The following POU6F2 variants were observed in gnomAD, a reference collection of about 807,000 sequenced individuals.
POU6F2 encodes the protein POU class 6 homeobox 2.
POU6F2 carries 31 observed loss-of-function variants against 71.3 expected under a neutral mutation model. That is an observed-to-expected ratio of 0.43 (90% CI 0.33 to 0.59). The LOEUF (loss-of-function observed/expected upper bound fraction) is 0.59. Ranked by LOEUF, POU6F2 falls within the 20% of genes least tolerant of loss-of-function variation. The probability of loss-of-function intolerance (pLI) is 0.04; values close to 1 mark genes in which losing one functional copy is unlikely to be tolerated. For missense variants in POU6F2, 783 were observed against 856.8 expected, an observed-to-expected ratio of 0.91 and a Z score of 1.07; for synonymous variants, 347 against 355.7, an observed-to-expected ratio of 0.98 and a Z score of 0.27.
intron 4 of POU6F2, among the ~76,000 whole-genome samples, chr7:39,249,349 G>A (rs1407661933): frequency 1.3e-5 from 2 of 152,098 alleles, no homozygotes; most frequent in Non-Finnish European, 1.5e-5. Flanking sequence ...TCTCTCTCCT[G>A]AGCTCTGCAG....
At chr7:39,082,574 G>T (rs1037087234) in intron 1 of POU6F2, among the ~76,000 whole-genome samples, 1 of 151,996 alleles carries the variant, frequency 6.6e-6, no homozygotes, top group South Asian at 2.1e-4. Flanking sequence ...TCTTCACTAC[G>T]ACAGAAAGGA....
chr7:39,450,871 A>G (rs1042182723), intron 7 of POU6F2, among the ~76,000 whole-genome samples: 1 of 152,138 alleles, frequency 6.6e-6, no homozygotes, highest in African/African-American at 2.4e-5. Flanking sequence ...AAATTAGTCA[A>G]TGTCCTTAAT....
At chr7:39,109,233 G>T (rs1050801578) in intron 2 of POU6F2, among the ~76,000 whole-genome samples, 1 of 152,012 alleles carries the variant, frequency 6.6e-6, no homozygotes, top group Non-Finnish European at 1.5e-5. Flanking sequence ...TAGAGACTTT[G>T]CTATGTTGCC....
At chr7:39,299,545 C>T (rs1163307884) in intron 4 of POU6F2, among the ~76,000 whole-genome samples, 1 of 152,146 alleles carries the variant, frequency 6.6e-6, no homozygotes, top group African/African-American at 2.4e-5. Context: ...CCTCCCTGCC[C>T]AGCAGAAAAC....
chr7:39,031,502 C>T (rs370205954), intron 1 of POU6F2, among the ~76,000 whole-genome samples: 45 of 152,182 alleles, frequency 3.0e-4, no homozygotes, highest in African/African-American at 9.9e-4. Context: ...TATTTCTATC[C>T]ATCAGTATTT....
At chr7:39,269,393 C>A (rs1784304658) in intron 4 of POU6F2, among the ~76,000 whole-genome samples, 1 of 152,206 alleles carries the variant, frequency 6.6e-6, no homozygotes, top group African/African-American at 2.4e-5. Flanking sequence ...GGCCTTGATT[C>A]TCTTGAAATG....
chr7:39,116,382 C>T (rs781297310), intron 2 of POU6F2, among the ~76,000 whole-genome samples: 1 of 151,856 alleles, frequency 6.6e-6, no homozygotes, highest in Non-Finnish European at 1.5e-5. Context: ...GAGACTGTGT[C>T]TCAAAGAAAA....
chr7:39,392,017 A>G (rs2115836982), intron 5 of POU6F2, among the ~76,000 whole-genome samples: 1 of 152,312 alleles, frequency 6.6e-6, no homozygotes, highest in South Asian at 2.1e-4. Context: ...CAGTTGTTTT[A>G]GAAACTTGCT....
Position 39,433,085 on chromosome 7 carries a change from G to C in POU6F2, c.1122G>C (p.Gly374=), listed in dbSNP as rs774366726. 1.2e-5 allele frequency: 20 copies of C among 1,612,792 alleles called. No homozygotes were observed. The South Asian group carries it at 2.1e-4, about 17-fold the overall frequency. The change falls in exon 7 of 10, where the codon GGG becomes GGC. Residue 374 remains glycine, a synonymous_variant. Coordinates refer to ENST00000518318, the MANE Select transcript of POU6F2 (RefSeq NM_001370959.1). ...LVTNAQGQII[G]TIPLMPNPGP... is the part of the protein sequence containing the mutation. ...TTGGCCCTCTCTTGCAGATTATCGGGACCATTCCACTGATGCCTAATCCAG... is the reference window on the plus strand; with the variant it reads ...TTGGCCCTCTCTTGCAGATTATCGGCACCATTCCACTGATGCCTAATCCAG...
At chr7:39,367,401 C>G (rs17171575) in intron 5 of POU6F2, among the ~76,000 whole-genome samples, 6,753 of 152,212 alleles carry the variant, frequency 0.044, 197 homozygotes, top group African/African-American at 0.078. Flanking sequence ...CAGAATAGCA[C>G]AGGAAAACCT....
At chr7:39,092,487 T>G (rs1791378482) in intron 2 of POU6F2, among the ~76,000 whole-genome samples, 1 of 152,250 alleles carries the variant, frequency 6.6e-6, no homozygotes. Context: ...TAATTTTTTA[T>G]ATGGTATTTT....
At chr7:38,980,299 G>A (rs1788284832) in intron 1 of POU6F2, among the ~76,000 whole-genome samples, 1 of 152,138 alleles carries the variant, frequency 6.6e-6, no homozygotes, top group South Asian at 2.1e-4. Context: ...AAACTAGAAT[G>A]CTGATTTTTT....
intron 1 of POU6F2, among the ~76,000 whole-genome samples, chr7:39,008,703 G>A (rs1193744873): frequency 6.7e-6 from 1 of 150,000 alleles, no homozygotes; most frequent in Non-Finnish European, 1.5e-5. Flanking sequence ...TTTTGTATAA[G>A]GTGTAAGGAA....
At chr7:39,152,896 C>T (rs1792790706) in intron 2 of POU6F2, among the ~76,000 whole-genome samples, 1 of 152,202 alleles carries the variant, frequency 6.6e-6, no homozygotes, top group Non-Finnish European at 1.5e-5. Context: ...CAACCTAGTG[C>T]TGCCTTTATA....
At chr7:39,197,004 A>G (rs1176979897) in intron 2 of POU6F2, among the ~76,000 whole-genome samples, 1 of 152,174 alleles carries the variant, frequency 6.6e-6, no homozygotes, top group African/African-American at 2.4e-5. Flanking sequence ...CCAGAACCCC[A>G]TGGCTGGGAT....
At chr7:39,462,110 G>A (rs1318671774) in intron 9 of POU6F2, among the ~76,000 whole-genome samples, 5 of 152,142 alleles carry the variant, frequency 3.3e-5, no homozygotes, top group Non-Finnish European at 5.9e-5. Context: ...ATTGATACAA[G>A]TGCTGGCTAA....
At chr7:39,423,659 G>T (rs1321991354) in intron 6 of POU6F2, among the ~76,000 whole-genome samples, 1 of 152,134 alleles carries the variant, frequency 6.6e-6, no homozygotes, top group Non-Finnish European at 1.5e-5. Flanking sequence ...ATATAACCAA[G>T]CTTATATACT....
At chr7:39,221,892 T>A (rs1202608875) in intron 4 of POU6F2, among the ~76,000 whole-genome samples, 1 of 152,286 alleles carries the variant, frequency 6.6e-6, no homozygotes, top group Non-Finnish European at 1.5e-5. Flanking sequence ...TTTAAATATT[T>A]TAAAATAAAA....
intron 5 of POU6F2, among the ~76,000 whole-genome samples, chr7:39,375,714 A>G (rs1003340628): frequency 3.3e-5 from 5 of 151,994 alleles, no homozygotes; most frequent in African/African-American, 1.2e-4. Context: ...AAACTTTAAC[A>G]CAGTCCCCAC....
Sources: gnomAD v4.1 joint callset for allele counts (sites outside exome capture counted in the v4.1 genomes callset) on GRCh38, gnomAD v4.1.1 for gene constraint, MANE v1.5 for transcripts, NCBI Gene and HGNC (gene_info 2026-07-23, HGNC 2026-07-21) for gene names.